The following ARHGAP32 variants were observed in gnomAD, a reference collection of about 807,000 sequenced individuals.
ARHGAP32 encodes the protein Rho GTPase activating protein 32.
Under a neutral mutation model 186.5 loss-of-function variants are expected in ARHGAP32, and 51 were observed. The observed-to-expected ratio is 0.27, with a 90% CI of 0.22 to 0.35. The LOEUF (loss-of-function observed/expected upper bound fraction) is 0.35, where lower values mean the gene tolerates loss of function less well. Among genes scored for constraint, ARHGAP32 ranks in the 10% least tolerant of loss-of-function variants. ARHGAP32 has a pLI of 1.00. For missense variants in ARHGAP32, 2,186 were observed against 2,623.5 expected (o/e 0.83, Z 3.64); for synonymous variants, 950 against 964.3 (o/e 0.99, Z 0.27).
chr11:129,018,958 A>G (rs984704331), intron 11 of ARHGAP32, among the ~76,000 whole-genome samples: 3 of 152,222 alleles, frequency 2.0e-5, no homozygotes, highest in African/African-American at 4.8e-5. Context: ...AATGATATAA[A>G]AGTTCTTTAA....
chr11:129,110,448 T>A (rs1942177044), intron 5 of ARHGAP32, among the ~76,000 whole-genome samples: 1 of 152,214 alleles, frequency 6.6e-6, no homozygotes, highest in African/African-American at 2.4e-5. Flanking sequence ...CATATAAATG[T>A]TAGGATTGTT....
At chr11:129,152,187 T>A (rs921213997) in intron 2 of ARHGAP32, among the ~76,000 whole-genome samples, 1 of 152,004 alleles carries the variant, frequency 6.6e-6, no homozygotes, top group East Asian at 1.9e-4. Flanking sequence ...AGAAACTCTG[T>A]ACACACCAAG....
Position 128,974,594 on chromosome 11 carries a change from G to C in ARHGAP32, c.2603C>G (p.Pro868Arg). The change falls in exon 21 of 23, where the codon CCT (proline) becomes CGT (arginine). Residue 868 changes from proline (P) to arginine (R), a missense_variant. Physicochemically the swap from Pro to Arg is moderately radical, Grantham distance 103. Transcript: ENST00000682385. ...QTPGSTASSE[P>R]VSPLQEKLSP... Reference sequence around the variant, plus strand: ...CAGTTTCTCCTGAAGAGGAGAGACAGGTTCAGAGCTTGCTGTGCTTCCTGG... The same window carrying C: ...CAGTTTCTCCTGAAGAGGAGAGACACGTTCAGAGCTTGCTGTGCTTCCTGG... 6.2e-7 allele frequency: 1 copy of C among 1,614,186 alleles called. No homozygotes were observed. Among genetic ancestry groups the C allele is most frequent in the Non-Finnish European group, 8.5e-7 (1 of 1,180,020 alleles).
At position 128,968,819 on chromosome 11, in the gene ARHGAP32, A is replaced by AT; in HGVS notation, c.*87dup. 1.8e-6 allele frequency: 2 copies of AT among 1,092,086 alleles called. No individual in the cohort carries two copies. The highest frequency in any genetic ancestry group is 2.4e-6 in the Non-Finnish European group (2 of 830,314). 67.6% of individuals were successfully genotyped at this position (1,092,086 alleles called of 1,614,324 possible). On this transcript the variant is annotated 3_prime_UTR_variant, in exon 23 of 23. Coordinates refer to ENST00000682385, the MANE Select transcript of ARHGAP32 (RefSeq NM_001378024.1). ...TAAATGTGGTCAGGGGTTTTATAGT[A>AT]TTTTTTGTTTAATCTTTTTGGTTAT... is the stretch of plus-strand genomic sequence containing the variant.
upstream of ARHGAP32, among the ~76,000 whole-genome samples, chr11:129,195,080 T>C (rs1045962524): frequency 2.0e-5 from 3 of 151,806 alleles, no homozygotes; most frequent in African/African-American, 7.3e-5. Context: ...GCAATCCTCC[T>C]GCCTCAGCCT....
intron 2 of ARHGAP32, among the ~76,000 whole-genome samples, chr11:129,145,438 A>AGCT (rs1943148712): frequency 7.5e-6 from 1 of 132,594 alleles, no homozygotes; most frequent in South Asian, 2.4e-4. Context: ...TAAAGGAAGA[A>AGCT]ATAGCAAGAT....
chr11:129,068,991 A>G lies in ARHGAP32; in HGVS notation c.532-2123T>C, dbSNP rs116467266. ...CAAGTATGAAAATAAGTATCCAATA[A>G]AATAATTTAAATTTTCATCTGAAAG... On this transcript the variant is annotated intron_variant, in intron 6 of 22. Transcript: ENST00000682385. Among the ~76,000 whole-genome samples, 974 of 152,238 alleles carry G rather than the reference A, an allele frequency of 6.4e-3. 8 individuals carry two copies. Among genetic ancestry groups the G allele is most frequent in the African/African-American group, 0.022 (914 of 41,576 alleles).
At chr11:128,978,226 A>G (rs1468261415) in intron 19 of ARHGAP32, among the ~76,000 whole-genome samples, 1 of 152,208 alleles carries the variant, frequency 6.6e-6, no homozygotes, top group Non-Finnish European at 1.5e-5. Flanking sequence ...TTATCTAAGA[A>G]GTACTACTAT....
At chr11:129,078,966 T>C (rs1591595302) in intron 6 of ARHGAP32, among the ~76,000 whole-genome samples, 1 of 146,892 alleles carries the variant, frequency 6.8e-6, no homozygotes, top group Non-Finnish European at 1.5e-5. Context: ...AAATGCAAAA[T>C]AGACTGGAAA....
intron 5 of ARHGAP32, among the ~76,000 whole-genome samples, chr11:129,117,439 T>C (rs1942398173): frequency 6.6e-6 from 1 of 152,048 alleles, no homozygotes; most frequent in Admixed American, 6.6e-5. Context: ...TAAAATTGTT[T>C]GCATTATTAC....
At chr11:129,064,978 C>T in intron 7 of ARHGAP32, 45 bp from the exon 8 acceptor site, 1 of 1,458,586 alleles carries the variant, frequency 6.9e-7, no homozygotes, top group Non-Finnish European at 9.4e-7. Flanking sequence ...AGATACTATG[C>T]TCTCTGGCAG....
intron 1 of ARHGAP32, among the ~76,000 whole-genome samples, chr11:129,178,802 T>A (rs1407070708): frequency 6.7e-6 from 1 of 150,348 alleles, no homozygotes; most frequent in Non-Finnish European, 1.5e-5. Flanking sequence ...TCAAGATGGA[T>A]TAAAGACTTA....
intron 2 of ARHGAP32, among the ~76,000 whole-genome samples, chr11:129,145,811 A>G (rs1565443656): frequency 6.6e-6 from 1 of 152,148 alleles, no homozygotes. Context: ...AATAACTTCA[A>G]TAATTAATAC....
intron 6 of ARHGAP32, among the ~76,000 whole-genome samples, chr11:129,075,183 G>A (rs1200385722): frequency 6.6e-6 from 1 of 152,132 alleles, no homozygotes; most frequent in East Asian, 1.9e-4. Context: ...TTAAACATCA[G>A]TGGTCTAACA....
chr11:129,156,438 A>C (rs1943408988), intron 2 of ARHGAP32, among the ~76,000 whole-genome samples: 1 of 152,186 alleles, frequency 6.6e-6, no homozygotes, highest in Non-Finnish European at 1.5e-5. Context: ...AGGCTTGAAC[A>C]GGCAATTTTC....
intron 2 of ARHGAP32, among the ~76,000 whole-genome samples, chr11:129,160,549 G>A (rs539771719): frequency 9.9e-5 from 15 of 152,176 alleles, no homozygotes; most frequent in African/African-American, 3.4e-4. Context: ...TACCTAGGAT[G>A]ATGATACCTA....
At chr11:129,145,038 A>C (rs575969877) in intron 2 of ARHGAP32, among the ~76,000 whole-genome samples, 3 of 152,278 alleles carry the variant, frequency 2.0e-5, no homozygotes, top group South Asian at 4.1e-4. Flanking sequence ...TCTATAACTG[A>C]GATTCATCCT....
intron 1 of ARHGAP32, among the ~76,000 whole-genome samples, chr11:129,272,871 A>G (rs1678037204): frequency 6.6e-6 from 1 of 152,208 alleles, no homozygotes; most frequent in Admixed American, 6.5e-5. Flanking sequence ...CGTTGATTGC[A>G]TTTCTAGTAA....
Position 129,015,207 on chromosome 11 carries a change from T to G in ARHGAP32, c.1046-16739A>C, listed in dbSNP as rs137968104. Among the ~76,000 whole-genome samples the G allele has an allele frequency of 5.6e-3, 853 of 152,292 alleles. 10 individuals are homozygous for G. The highest frequency in any genetic ancestry group is 0.019 in the African/African-American group (803 of 41,554). The stretch of plus-strand genomic sequence containing the variant: ...AAAAGCCTACTGGCTTAATGCTTAA[T>G]CAGCTTTGTATTCACATAAGTCTCT... On this transcript the variant is annotated intron_variant, in intron 11 of 22. Transcript: ENST00000682385.
Sources: gnomAD v4.1 joint callset for allele counts (sites outside exome capture counted in the v4.1 genomes callset) on GRCh38, gnomAD v4.1.1 for gene constraint, MANE v1.5 for transcripts, NCBI Gene and HGNC (gene_info 2026-07-23, HGNC 2026-07-21) for gene names.